Variants in CCNL2 observed in about 807,000 individuals in gnomAD.
CCNL2 encodes cyclin L2, also known as cyclin-L2.
A neutral mutation model predicts 59.1 loss-of-function variants in CCNL2; 28 were observed. The ratio of observed to expected loss-of-function variants is 0.47; its 90% CI spans 0.35 to 0.65. CCNL2 has a LOEUF of 0.65. Ranked by LOEUF, CCNL2 falls within the 30% of genes least tolerant of loss-of-function variation. The pLI is 0.00. For synonymous variants in CCNL2, 342 were observed against 288.6 expected (o/e 1.19, Z -1.88); for missense variants, 714 against 717.4 (o/e 1.00, Z 0.05).
chr1:1,390,198 G>A (rs1368973966), intron 8 of CCNL2, 32 bp downstream of exon 8: 5 of 1,575,240 alleles, frequency 3.2e-6, no homozygotes, highest in South Asian at 1.1e-5. Context: ...TGCCTTTGTG[G>A]GGAGTGGATT....
In CCNL2 at chr1:1,387,005, G is replaced by T; in HGVS notation, c.*226C>A. ...CTGAGCCCTGCACGGGCCCAGGTGT[G>T]CGCCGCACCCCAGACCGGTCTGAAG... is the stretch of plus-strand genomic sequence containing the variant. On this transcript the variant is annotated 3_prime_UTR_variant, in exon 11 of 11. Transcript: ENST00000400809. 1 of 507,382 alleles carries T rather than the reference G, an allele frequency of 2.0e-6. No individual in the cohort carries two copies. The highest frequency in any genetic ancestry group is 3.4e-5 in the South Asian group (1 of 29,116). 31.4% of individuals were successfully genotyped at this position (507,382 alleles called of 1,614,324 possible).
chr1:1,387,630 C>T, intron 10 of CCNL2, 48 bp from the exon 11 acceptor site: 1 of 1,436,764 alleles, frequency 7.0e-7, no homozygotes, highest in Non-Finnish European at 9.3e-7. Flanking sequence ...CTGGCCCGGC[C>T]AGGCCCCACA....
At position 1,390,582 on chromosome 1, in the gene CCNL2, T is replaced by G. The variant is rs533536015; in HGVS notation, c.760-19A>C. 9.4e-6 allele frequency: 15 copies of G among 1,589,068 alleles called. No homozygotes were observed. The highest frequency in any genetic ancestry group is 3.4e-5 in the Admixed American group (2 of 59,140). On this transcript the variant is annotated intron_variant, in intron 6 of 10. Coordinates refer to ENST00000400809, the MANE Select transcript of CCNL2 (RefSeq NM_030937.6). Reference sequence around the variant, plus strand: ...AAGGGATCTGTAAAAACAAACACTATCATCATTACACTTTCCTCAACTTCA... The same window carrying G: ...AAGGGATCTGTAAAAACAAACACTAGCATCATTACACTTTCCTCAACTTCA...
At chr1:1,398,704 C>T (rs1291128931) in intron 1 of CCNL2, 33 bp from the exon 2 acceptor site, 10 of 1,592,342 alleles carry the variant, frequency 6.3e-6, no homozygotes, top group African/African-American at 1.3e-5. Context: ...TATTTTCAAA[C>T]GCACCATTCA....
intron 4 of CCNL2, among the ~76,000 whole-genome samples, chr1:1,394,570 C>T (rs1355311740): frequency 6.6e-6 from 1 of 151,468 alleles, no homozygotes; most frequent in African/African-American, 2.4e-5. Flanking sequence ...GCCAACATGA[C>T]GAAACCCCAT....
chr1:1,394,108 G>A lies in CCNL2; in HGVS notation c.595-648C>T, dbSNP rs1282352272. On this transcript the variant is annotated intron_variant, in intron 4 of 10. Coordinates refer to ENST00000400809, the MANE Select transcript of CCNL2 (RefSeq NM_030937.6). ...CCATTGCACTCCAGCCTGGACAACA[G>A]AGCGAGATTCCGTCTCCAAAAAAAA... Among the ~76,000 whole-genome samples the A allele has an allele frequency of 4.0e-5, 6 of 150,004 alleles. No individual in the cohort carries two copies. The East Asian group carries it at 7.8e-4, about 20-fold the overall frequency.
chr1:1,390,434 G>A (rs752789745), intron 7 of CCNL2, 25 bp downstream of exon 7: 30 of 1,612,378 alleles, frequency 1.9e-5, no homozygotes, highest in Non-Finnish European at 2.2e-5. Context: ...AAACGCATAC[G>A]TTACATGAAA....
At chr1:1,396,682 C>A (rs1324269246) in intron 3 of CCNL2, among the ~76,000 whole-genome samples, 1 of 150,036 alleles carries the variant, frequency 6.7e-6, no homozygotes, top group African/African-American at 2.5e-5. Context: ...CCGGTTCCAG[C>A]GATTCTCCTG....
At chr1:1,395,294 C>A (rs779843589) in intron 4 of CCNL2, 100 bp downstream of exon 4, 20 of 1,350,952 alleles carry the variant, frequency 1.5e-5, no homozygotes, top group African/African-American at 2.9e-5. Flanking sequence ...GGGATGCACT[C>A]AGTCCTCTTC....
intron 6 of CCNL2, 95 bp downstream of exon 6, chr1:1,390,671 A>G: frequency 1.3e-6 from 2 of 1,483,904 alleles, no homozygotes; most frequent in Non-Finnish European, 1.9e-6. Flanking sequence ...TTTGGCCCAG[A>G]TTAGAGTAAT....
chr1:1,396,577 T>C lies in CCNL2; in HGVS notation c.474-1063A>G, dbSNP rs1387783240. 2.9e-5 allele frequency among the ~76,000 whole-genome samples: 4 copies of C among 136,350 alleles called. No homozygotes were observed. The East Asian group carries it at 8.8e-4, about 30-fold the overall frequency. 89.5% of individuals were successfully genotyped at this position (136,350 alleles called of 152,430 possible). A position where few individuals can be genotyped will look rare whatever the true frequency, so the allele number is the denominator to read the frequency against. On this transcript the variant is annotated intron_variant, in intron 3 of 10. Transcript: ENST00000400809. ...CACTGCGCTCGGCAAGGCTGTTTTT[T>C]TTTTTTTTTTTTTTTTTTTTGAGAC...
rs772888745 is a variant in CCNL2, at chr1:1,395,375, G to T, written c.594+19C>A. On this transcript the variant is annotated intron_variant, in intron 4 of 10. Coordinates refer to ENST00000400809, the MANE Select transcript of CCNL2 (RefSeq NM_030937.6). ...GCAGCGGCCTAGGCGGGCTCGCAGG[G>T]CAGGAGCCGCACACCCACCTTATGA... 21 of 1,613,474 alleles carry T rather than the reference G, an allele frequency of 1.3e-5. No individual in the cohort carries two copies. The highest frequency in any genetic ancestry group is 1.6e-5 in the Non-Finnish European group (19 of 1,179,788).
chr1:1,399,061 G>T lies in CCNL2; in HGVS notation c.246C>A (p.Cys82Ter). ...GGATACCGGCCGCCTGGATGAGCTC[G>T]CAGCCCACCACGCGGAGGTCGGTCT... ...DTETDLRVVG[C>*]ELIQAAGILL... Residue 82 changes from cysteine to a stop codon, truncating the protein, a stop_gained, in exon 1 of 11, where the codon TGC becomes TGA. Transcript: ENST00000400809. LOFTEE classifies it high-confidence loss of function. The T allele has an allele frequency of 6.2e-7, 1 of 1,609,568 alleles. No individual in the cohort carries two copies.
At chr1:1,393,236 G>T in intron 5 of CCNL2, 160 bp downstream of exon 5, 1 of 653,994 alleles carries the variant, frequency 1.5e-6, no homozygotes, top group African/African-American at 1.8e-5. Flanking sequence ...GCCCATTTTG[G>T]GAGTCTGATT....
At chr1:1,392,421 G>A (rs915015079) in intron 5 of CCNL2, 113 of 1,136,054 alleles carry the variant, frequency 9.9e-5, no homozygotes, top group Admixed American at 1.4e-4. Flanking sequence ...AGGGCTTCTA[G>A]AAATCATGAC....
intron 4 of CCNL2, 49 bp downstream of exon 4, chr1:1,395,345 C>A (rs758705291): frequency 6.2e-7 from 1 of 1,604,196 alleles, no homozygotes; most frequent in African/African-American, 1.3e-5. Context: ...GGCGGCCAGG[C>A]AGGAGCAGCG....
chr1:1,398,673 T>C lies in CCNL2; in HGVS notation c.289-2A>G. 6.9e-7 allele frequency: 1 copy of C among 1,459,178 alleles called. No individual in the cohort carries two copies. Among genetic ancestry groups the C allele is most frequent in the Non-Finnish European group, 9.2e-7 (1 of 1,084,180 alleles). 90.4% of individuals were successfully genotyped at this position (1,459,178 alleles called of 1,614,324 possible). On this transcript the variant is annotated splice_acceptor_variant, in intron 1 of 10. Transcript: ENST00000400809. LOFTEE classifies it high-confidence loss of function. ...CACCTGCCCGGTAGCCATGGCCACC[T>C]AGAGTAGAAGAAAGTTTCCGTATTT...
chr1:1,387,625 C>T (rs915113434), intron 10 of CCNL2, 43 bp from the exon 11 acceptor site: 4 of 1,445,006 alleles, frequency 2.8e-6, no homozygotes, highest in African/African-American at 1.4e-5. Context: ...ACCATCTGGC[C>T]CGGCCAGGCC....
intron 3 of CCNL2, among the ~76,000 whole-genome samples, chr1:1,397,961 A>G (rs903305885): frequency 6.6e-6 from 1 of 152,208 alleles, no homozygotes; most frequent in South Asian, 2.1e-4. Context: ...AAGCAGCAGC[A>G]GGGCCGTGCA....
Sources: allele counts gnomAD v4.1 joint callset (sites outside exome capture counted in the v4.1 genomes callset), GRCh38; gene constraint gnomAD v4.1.1; transcripts MANE v1.5; gene names NCBI Gene and HGNC (gene_info 2026-07-23, HGNC 2026-07-21).